Variants in DIS3L observed in about 807,000 individuals in gnomAD.
DIS3L encodes the protein DIS3 like exosome 3'-5' exoribonuclease.
A neutral mutation model predicts 120.3 loss-of-function variants in DIS3L; 100 were observed. The observed-to-expected ratio is 0.83, with a 90% confidence interval of 0.71 to 0.98. The LOEUF (loss-of-function observed/expected upper bound fraction) is 0.98, where lower values mean the gene tolerates loss of function less well. Ranked by LOEUF, DIS3L falls within the 50% of genes least tolerant of loss-of-function variation. DIS3L has a pLI of 0.00. For synonymous variants in DIS3L, 426 were observed against 470.6 expected, an observed-to-expected ratio of 0.91 and a Z score of 1.23; for missense variants, 1,196 against 1,314.2, an observed-to-expected ratio of 0.91 and a Z score of 1.39.
chr15:66,309,094 A>AAAAAAAAAAAAAAAAAT, intron 4 of DIS3L, among the ~76,000 whole-genome samples: 3 of 15,320 alleles, frequency 2.0e-4, no homozygotes, highest in Non-Finnish European at 3.6e-4. Flanking sequence ...AAAAAAAAAA[A>AAAAAAAAAAAAAAAAAT]ATATATATAT....
intron 2 of DIS3L, among the ~76,000 whole-genome samples, chr15:66,300,530 T>C (rs1426211274): frequency 6.6e-6 from 1 of 152,276 alleles, no homozygotes; most frequent in Non-Finnish European, 1.5e-5. Flanking sequence ...GTGTGTGTTT[T>C]AAGGGCAAAT....
chr15:66,319,603 T>C (rs2092858426), intron 8 of DIS3L, among the ~76,000 whole-genome samples: 1 of 152,228 alleles, frequency 6.6e-6, no homozygotes, highest in Non-Finnish European at 1.5e-5. Context: ...CCCAATTTAA[T>C]TCCCCCTGAT....
rs2093001119 is a variant in DIS3L, at chr15:66,331,860, T to C, written c.2536-15T>C. 1 of 1,556,322 alleles carries C rather than the reference T, an allele frequency of 6.4e-7. No individual in the cohort carries two copies. Among genetic ancestry groups the C allele is most frequent in the East Asian group, 2.3e-5 (1 of 43,110 alleles). On this transcript the variant is annotated splice_polypyrimidine_tract_variant and intron_variant, in intron 14 of 16. Coordinates refer to ENST00000319212, the MANE Select transcript of DIS3L (RefSeq NM_001143688.3). Reference sequence around the variant, plus strand: ...AGGGGAGTGTTAAAATGCTTTGGAGTTGTGCTTCTTACAGGCAGCACAGCA... The same window carrying C: ...AGGGGAGTGTTAAAATGCTTTGGAGCTGTGCTTCTTACAGGCAGCACAGCA...
At chr15:66,303,019 CTG>C (rs1490571229) in intron 2 of DIS3L, among the ~76,000 whole-genome samples, 2 of 152,156 alleles carry the variant, frequency 1.3e-5, no homozygotes, top group Non-Finnish European at 2.9e-5. Context: ...CTTTCCATCT[CTG>C]TGAATTTGAC....
In DIS3L at chr15:66,329,190, T is replaced by C. The variant is rs1246022558; in HGVS notation, c.2357-31T>C. The C allele has an allele frequency of 3.1e-6, 5 of 1,587,586 alleles. No individual in the cohort carries two copies. The South Asian group carries it at 4.6e-5, about 15-fold the overall frequency. Reference sequence around the variant, plus strand: ...GCTAGTTATTTTAAAATAGTTTTTGTTTATTTTGATCTTTTGCTTTCTTTT... The same window carrying C: ...GCTAGTTATTTTAAAATAGTTTTTGCTTATTTTGATCTTTTGCTTTCTTTT... On this transcript the variant is annotated intron_variant, in intron 13 of 16. Coordinates refer to ENST00000319212, the MANE Select transcript of DIS3L (RefSeq NM_001143688.3).
At chr15:66,317,773 A>G (rs73486049) in intron 7 of DIS3L, among the ~76,000 whole-genome samples, 10,512 of 151,766 alleles carry the variant, frequency 0.069, 1,205 homozygotes, top group African/African-American at 0.24. Flanking sequence ...AGACTGTAAC[A>G]TATTATGATA....
chr15:66,313,779 ATGTGTGTGTGTATATATATATG>A (rs2092787654), intron 5 of DIS3L, among the ~76,000 whole-genome samples: 1 of 125,812 alleles, frequency 7.9e-6, no homozygotes. Flanking sequence ...GTATATATAT[ATGTGTGTGTGTATATATATATG>A]TGTGTGTGTG....
rs150541699 is a variant in DIS3L, at chr15:66,314,093, C to T, written c.790C>T (p.Gln264Ter). The change falls in exon 6 of 17, where the codon CAA becomes TAA. Residue 264 changes from glutamine (Q) to a stop codon, truncating the protein, a stop_gained. Coordinates refer to ENST00000319212, the MANE Select transcript of DIS3L (RefSeq NM_001143688.3). LOFTEE classifies it high-confidence loss of function. Reference sequence around the variant, plus strand: ...CCAAATAGAAGCTTTTGTTCGACTTCAAGGAGCCAGCAGTAAAGATTCAGG... The same window carrying T: ...CCAAATAGAAGCTTTTGTTCGACTTTAAGGAGCCAGCAGTAAAGATTCAGG... ...RAQIEAFVRLQGASSKDSDLV... is the reference protein window; with the variant it reads ...RAQIEAFVRL The T allele has an allele frequency of 2.0e-6, 3 of 1,526,728 alleles. No individual in the cohort carries two copies. In the African/African-American group the frequency reaches 4.3e-5, roughly 22 times the overall value. 94.6% of individuals were successfully genotyped at this position (1,526,728 alleles called of 1,614,324 possible). A position where few individuals can be genotyped will look rare whatever the true frequency, so the allele number is the denominator to read the frequency against.
chr15:66,311,723 G>A lies in DIS3L; in HGVS notation c.559-1G>A, dbSNP rs1185778429. ...TTTCTCTGTGCCTTTATTAAATACA[G>A]AATTACCTGGACAATTTCTGGCCTG... On this transcript the variant is annotated splice_acceptor_variant, in intron 4 of 16. Coordinates refer to ENST00000319212, the MANE Select transcript of DIS3L (RefSeq NM_001143688.3). LOFTEE classifies it high-confidence loss of function. The A allele has an allele frequency of 9.3e-6, 15 of 1,613,734 alleles. No individual in the cohort carries two copies. The highest frequency in any genetic ancestry group is 1.3e-5 in the Non-Finnish European group (15 of 1,179,946).
intron 12 of DIS3L, among the ~76,000 whole-genome samples, chr15:66,327,393 A>G (rs1211147415): frequency 1.3e-5 from 2 of 152,202 alleles, no homozygotes; most frequent in Admixed American, 6.5e-5. Context: ...CAGTGAATTT[A>G]TACCACCCTC....
rs1595763827 is a variant in DIS3L at position 66,328,917 on chromosome 15, G to C, written c.2202-53G>C. ...AGTGAAGGGTTCCCCTCAAAGTGTT[G>C]TCTTGTAAATTACTGTCTGGGACTA... On this transcript the variant is annotated intron_variant, in intron 12 of 16. Coordinates refer to ENST00000319212, the MANE Select transcript of DIS3L (RefSeq NM_001143688.3). 5.1e-6 allele frequency: 8 copies of C among 1,570,832 alleles called. No individual in the cohort carries two copies. The East Asian group carries it at 1.8e-4, about 35-fold the overall frequency.
chr15:66,331,759 G>A, intron 14 of DIS3L, 116 bp from the exon 15 acceptor site: 1 of 1,212,096 alleles, frequency 8.3e-7, no homozygotes, highest in Non-Finnish European at 1.1e-6. Context: ...TCATAGTAGA[G>A]AACAATTTTT....
intron 14 of DIS3L, chr15:66,329,827 TCTTGAACCCAGGAGGTGGAGATTG>T: frequency 1.1e-6 from 1 of 937,412 alleles, no homozygotes. Flanking sequence ...CAGGAGAATC[TCTTGAACCCAGGAGGTGGAGATTG>T]CAGTGGGCCG....
In DIS3L at chr15:66,329,262, A is replaced by G. The variant is rs2092973332; in HGVS notation, c.2398A>G (p.Arg800Gly). 3 of 1,610,698 alleles carry G rather than the reference A, an allele frequency of 1.9e-6. No homozygotes were observed. Among genetic ancestry groups the G allele is most frequent in the East Asian group, 2.2e-5 (1 of 44,856 alleles). ...DKYTHFTSPI[R>G]RYSDIVVHRL... is the part of the protein sequence containing the mutation. Reference sequence around the variant, plus strand: ...ATATACCCACTTTACTTCTCCAATAAGAAGATATTCAGATATTGTAGTACA... The same window carrying G: ...ATATACCCACTTTACTTCTCCAATAGGAAGATATTCAGATATTGTAGTACA... The change falls in exon 14 of 17, where the codon AGA becomes GGA. Residue 800 changes from arginine to glycine, a missense_variant. Arg to Gly is a moderately radical substitution (Grantham distance 125, BLOSUM62 -2). Transcript: ENST00000319212.
intron 1 of DIS3L, chr15:66,293,963 GTC>G: frequency 2.0e-6 from 2 of 994,152 alleles, no homozygotes; most frequent in Non-Finnish European, 2.4e-6. Flanking sequence ...GCTCCGCCCT[GTC>G]CAATGGGAGG....
chr15:66,311,747 T>A lies in DIS3L; in HGVS notation c.582T>A (p.Pro194=), dbSNP rs1005946073. Residue 194 remains proline (P), a synonymous_variant, in exon 5 of 17, where the codon CCT becomes CCA. Coordinates refer to ENST00000319212, the MANE Select transcript of DIS3L (RefSeq NM_001143688.3). ...AGAATTACCTGGACAATTTCTGGCC[T>A]GATTTAAAAGCTGCCCACGAGCTTT... ...TFKNYLDNFW[P]DLKAAHELCD... The A allele has an allele frequency of 2.1e-5, 34 of 1,614,040 alleles. No individual in the cohort carries two copies. Among genetic ancestry groups the A allele is most frequent in the Non-Finnish European group, 2.8e-5 (33 of 1,180,012 alleles).
At chr15:66,299,970 GA>G (rs2092630125) in intron 2 of DIS3L, among the ~76,000 whole-genome samples, 2 of 152,142 alleles carry the variant, frequency 1.3e-5, no homozygotes, top group Non-Finnish European at 2.9e-5. Context: ...AGAATTGCTT[GA>G]ACCTGGGAGG....
chr15:66,314,942 C>G, intron 6 of DIS3L, 94 bp from the exon 7 acceptor site: 2 of 1,320,160 alleles, frequency 1.5e-6, no homozygotes, highest in African/African-American at 1.5e-5. Context: ...TGCAGGAGTA[C>G]TGATTAGACT....
intron 2 of DIS3L, among the ~76,000 whole-genome samples, chr15:66,295,488 C>T (rs1460226059): frequency 6.6e-6 from 1 of 152,130 alleles, no homozygotes; most frequent in Admixed American, 6.5e-5. Flanking sequence ...TTTATAGATA[C>T]ATTGTTTCAG....
Sources: gnomAD v4.1 joint callset for allele counts (sites outside exome capture counted in the v4.1 genomes callset) on GRCh38, gnomAD v4.1.1 for gene constraint, MANE v1.5 for transcripts, NCBI Gene and HGNC (gene_info 2026-07-23, HGNC 2026-07-21) for gene names.